Variants in SLC71A2 observed in about 807,000 individuals in gnomAD.
SLC71A2 encodes hippocampus abundant transcript-like 1.
the SLC71A2 span, among the ~76,000 whole-genome samples, chr9:94,420,538 T>C: frequency 2.2e-4 from 33 of 152,320 alleles, no homozygotes; most frequent in Non-Finnish European, 3.7e-4. Flanking sequence ...TATACTGTCA[T>C]GTCAAATGTG....
At chr9:94,415,349 A>G in the SLC71A2 span, 2 of 853,394 alleles carry the variant, frequency 2.3e-6, no homozygotes, top group South Asian at 2.9e-5. Flanking sequence ...GTTTGGGAGT[A>G]GCTCTTGATA....
chr9:94,410,404 AT>A, the SLC71A2 span, among the ~76,000 whole-genome samples: 78,007 of 151,522 alleles, frequency 0.51, 20,302 homozygotes, highest in Admixed American at 0.61. Context: ...CACTGGGCCT[AT>A]TTTTTTCCCC....
chr9:94,455,181 TGAGA>T, the SLC71A2 span, among the ~76,000 whole-genome samples: 1 of 67,322 alleles, frequency 1.5e-5, no homozygotes, highest in Non-Finnish European at 2.5e-5. Context: ...TTTTTTTTTT[TGAGA>T]GAGAGAGGGT....
the SLC71A2 span, among the ~76,000 whole-genome samples, chr9:94,447,582 A>G: frequency 6.6e-6 from 1 of 150,820 alleles, no homozygotes; most frequent in Non-Finnish European, 1.5e-5. Flanking sequence ...TATATCCCCT[A>G]TCCCCATACA....
chr9:94,452,724 TA>T, the SLC71A2 span, among the ~76,000 whole-genome samples: 11 of 99,710 alleles, frequency 1.1e-4, no homozygotes, highest in Admixed American at 1.1e-3. Context: ...CATATATATA[TA>T]ATAGATATTA....
At chr9:94,458,451 A>C in the SLC71A2 span, 1 of 1,613,894 alleles carries the variant, frequency 6.2e-7, no homozygotes, top group Non-Finnish European at 8.5e-7. Flanking sequence ...AATTCTAACA[A>C]CGTTCCCCTG....
At chr9:94,459,899 T>TTA in the SLC71A2 span, 2 of 156,502 alleles carry the variant, frequency 1.3e-5, no homozygotes, top group African/African-American at 2.4e-5. Flanking sequence ...GTGGCCACTC[T>TTA]TAAAGAGTCA....
At chr9:94,386,171 T>C in the SLC71A2 span, among the ~76,000 whole-genome samples, 2 of 152,272 alleles carry the variant, frequency 1.3e-5, no homozygotes, top group South Asian at 4.1e-4. Flanking sequence ...AGTCTTTCAC[T>C]TCCTGGGTTA....
At chr9:94,391,297 A>T in the SLC71A2 span, among the ~76,000 whole-genome samples, 2 of 148,466 alleles carry the variant, frequency 1.3e-5, no homozygotes, top group Admixed American at 1.4e-4. Context: ...TGGGAGGTTG[A>T]GGCTGCAGTG....
the SLC71A2 span, chr9:94,451,674 A>G: frequency 2.1e-6 from 1 of 471,700 alleles, no homozygotes; most frequent in Non-Finnish European, 3.7e-6. Context: ...AGGTCTTGCA[A>G]GCTATAGTAT....
At chr9:94,457,711 A>T in the SLC71A2 span, among the ~76,000 whole-genome samples, 1 of 152,250 alleles carries the variant, frequency 6.6e-6, no homozygotes. Context: ...TATTCATGTC[A>T]ATATACATGT....
At chr9:94,453,887 C>G in the SLC71A2 span, 1 of 1,051,938 alleles carries the variant, frequency 9.5e-7, no homozygotes, top group South Asian at 1.3e-5. Context: ...GAAGGGTCTT[C>G]ACACACAGAG....
chr9:94,459,944 G>A, the SLC71A2 span: 1 of 153,052 alleles, frequency 6.5e-6, no homozygotes, highest in Non-Finnish European at 1.5e-5. Context: ...TTGTTCAAAG[G>A]TCAAATAAAA....
chr9:94,444,889 A>C, the SLC71A2 span: 1 of 1,402,270 alleles, frequency 7.1e-7, no homozygotes, highest in South Asian at 1.2e-5. Flanking sequence ...TGCAGCAGGC[A>C]GACCTGGGTA....
the SLC71A2 span, among the ~76,000 whole-genome samples, chr9:94,398,807 TC>T: frequency 1.5e-5 from 2 of 130,112 alleles, no homozygotes; most frequent in East Asian, 2.1e-4. Flanking sequence ...GCTCTTCCCC[TC>T]CCCCCCGTCG....
At chr9:94,456,788 C>G in the SLC71A2 span, among the ~76,000 whole-genome samples, 4 of 152,112 alleles carry the variant, frequency 2.6e-5, no homozygotes, top group Non-Finnish European at 4.4e-5. Flanking sequence ...AAGAAAAAGT[C>G]TGTGTGGTTG....
At chr9:94,459,165 C>T in the SLC71A2 span, 1 of 1,613,098 alleles carries the variant, frequency 6.2e-7, no homozygotes, top group Non-Finnish European at 8.5e-7. Flanking sequence ...CAACAGGGAG[C>T]TGTCATCCCA....
the SLC71A2 span, chr9:94,456,230 G>C: frequency 5.0e-6 from 8 of 1,611,692 alleles, no homozygotes; most frequent in Non-Finnish European, 5.9e-6. Context: ...TGCCTGTCCT[G>C]TCATTGCAGG....
the SLC71A2 span, chr9:94,459,145 T>C: frequency 2.5e-6 from 4 of 1,609,334 alleles, no homozygotes; most frequent in Non-Finnish European, 3.4e-6. Context: ...CTCCACTTGT[T>C]TTCCACGTTC....
Sources: allele counts gnomAD v4.1 joint callset (sites outside exome capture counted in the v4.1 genomes callset), GRCh38; gene constraint gnomAD v4.1.1; transcripts MANE v1.5; gene names NCBI Gene and HGNC (gene_info 2026-07-23, HGNC 2026-07-21).